HMCN2: variants seen among roughly 807,000 people sequenced by gnomAD.
HMCN2 encodes the protein hemicentin-2.
A neutral mutation model predicts 377.5 loss-of-function variants in HMCN2; 325 were observed. The ratio of observed to expected loss-of-function variants is 0.86; its 90% CI spans 0.79 to 0.94. HMCN2 has a LOEUF of 0.94. Ranked by LOEUF, HMCN2 falls within the 40% of genes least tolerant of loss-of-function variation. The probability of loss-of-function intolerance (pLI) is 0.00; values close to 1 mark genes in which losing one functional copy is unlikely to be tolerated. For synonymous variants in HMCN2, 2,007 were observed against 2,046.8 expected (o/e 0.98, Z 0.53); for missense variants, 4,543 against 4,725.3 (o/e 0.96, Z 1.13).
Position 130,427,483 on chromosome 9 carries a change from C to T in HMCN2, c.13943-14C>T, listed in dbSNP as rs1194630286. ...GCCTGGGAGCGGAGACCACCAGACC[C>T]CTTCCTGCCCCAGACAGGGACGAGT... On this transcript the variant is annotated splice_polypyrimidine_tract_variant and intron_variant, in intron 91 of 97. Transcript: ENST00000683500. The T allele has an allele frequency of 7.7e-6, 12 of 1,550,392 alleles. No individual in the cohort carries two copies. Among genetic ancestry groups the T allele is most frequent in the Admixed American group, 2.0e-5 (1 of 51,000 alleles).
chr9:130,279,264 C>T lies in HMCN2; in HGVS notation c.260-5339C>T, dbSNP rs191233084. ...TCAACTCTTGCCCCAGATCTTCCCC[C>T]CTGACATGGAGGGGCTGTCTTCTCT... On this transcript the variant is annotated intron_variant, in intron 1 of 97. Coordinates refer to ENST00000683500, the MANE Select transcript of HMCN2 (RefSeq NM_001291815.2). Among the ~76,000 whole-genome samples the T allele has an allele frequency of 4.9e-3, 739 of 152,260 alleles. 7 individuals carry two copies. The highest frequency in any genetic ancestry group is 0.017 in the African/African-American group (709 of 41,554).
In HMCN2 at chr9:130,391,219, G is replaced by A. The variant is rs574587046; in HGVS notation, c.9683G>A (p.Arg3228Gln). 62 of 987,900 alleles carry A rather than the reference G, an allele frequency of 6.3e-5. No homozygotes were observed. The South Asian group carries it at 1.0e-3, about 16-fold the overall frequency. The allele number at this position is 987,900 out of a possible 1,614,324, so 61.2% of individuals were successfully genotyped here. ...CCTGCCTCAGTGGCCCCCCGGATCCGGAGCTCGGGCGTGGCGCGGGAGCAC... is the reference window on the plus strand; with the variant it reads ...CCTGCCTCAGTGGCCCCCCGGATCCAGAGCTCGGGCGTGGCGCGGGAGCAC... ...VVAVLVAPRI[R>Q]SSGVAREHHV... is the part of the protein sequence containing the mutation. Residue 3228 changes from arginine to glutamine, a missense_variant, in exon 64 of 98, where the codon CGG (arginine) becomes CAG (glutamine). By Grantham distance (43) the Arg-to-Gln change is conservative. Transcript: ENST00000683500.
In HMCN2 at chr9:130,368,418, C is replaced by A; in HGVS notation, c.6768C>A (p.Asp2256Glu). ...ACGTGGTGGGGAACAGCAGCCAGGA[C>A]CTGCAGCTGGAGGTGCACGGTGGGT... ...CSNVVGNSSQDLQLEVHVPPQ... is the reference protein window; with the variant it reads ...CSNVVGNSSQELQLEVHVPPQ... The change falls in exon 44 of 98, where the codon GAC becomes GAA. Residue 2256 changes from aspartate to glutamate, a missense_variant. By Grantham distance (45) the Asp-to-Glu change is conservative. Around this residue, in one of 5 missense-constraint regions of HMCN2, gnomAD observed 1,032 missense variants for 1,285.1 expected, o/e 0.80. Transcript: ENST00000683500. The A allele has an allele frequency of 6.1e-6, 6 of 986,104 alleles. No individual in the cohort carries two copies. Among genetic ancestry groups the A allele is most frequent in the Non-Finnish European group, 7.2e-6 (6 of 830,258 alleles). 61.1% of individuals were successfully genotyped at this position (986,104 alleles called of 1,614,324 possible). A position where few individuals can be genotyped will look rare whatever the true frequency, so the allele number is the denominator to read the frequency against.
Position 130,366,013 on chromosome 9 carries a change from A to G in HMCN2, c.6625+18A>G. The G allele has an allele frequency of 1.0e-6, 1 of 985,856 alleles. No homozygotes were observed. Among genetic ancestry groups the G allele is most frequent in the Non-Finnish European group, 1.2e-6 (1 of 830,034 alleles). 61.1% of individuals were successfully genotyped at this position (985,856 alleles called of 1,614,324 possible). On this transcript the variant is annotated intron_variant, in intron 43 of 97. Transcript: ENST00000683500. ...GAAGGACGGTAGGATTGCTGCCCTC[A>G]CCCAGCCCCACCTCATTGCCAGGCA...
rs1002569360 is a variant in HMCN2 at position 130,351,008 on chromosome 9, C to A, written c.4431-415C>A. On this transcript the variant is annotated intron_variant, in intron 29 of 97. Transcript: ENST00000683500. The surrounding 1 kb of genome is among the most constrained non-coding windows in gnomAD (Gnocchi z 5.4). ...GACATTCCATCACCCCAAAAGGACA[C>A]CCTGGACCCATCAGCAGCCAGTCGC... Among the ~76,000 whole-genome samples, 1 of 152,192 alleles carries A rather than the reference C, an allele frequency of 6.6e-6. No homozygotes were observed. The highest frequency in any genetic ancestry group is 1.5e-5 in the Non-Finnish European group (1 of 68,036).
chr9:130,368,286 C>G lies in HMCN2; in HGVS notation c.6636C>G (p.Leu2212=), dbSNP rs943812862. 1.2e-5 allele frequency: 12 copies of G among 985,644 alleles called. No individual in the cohort carries two copies. In the African/African-American group the frequency reaches 1.4e-4, roughly 11 times the overall value. 61.1% of individuals were successfully genotyped at this position (985,644 alleles called of 1,614,324 possible). A position where few individuals can be genotyped will look rare whatever the true frequency, so the allele number is the denominator to read the frequency against. The change falls in exon 44 of 98, where the codon CTC becomes CTG. Residue 2212 remains leucine, a synonymous_variant. Transcript: ENST00000683500. Reference sequence around the variant, plus strand: ...TTTTCCTGCACCCAGGTCAACCCCTCCCCGGGGAGGGGGCTGGCCTCCAGC... The same window carrying G: ...TTTTCCTGCACCCAGGTCAACCCCTGCCCGGGGAGGGGGCTGGCCTCCAGC... The part of the protein sequence containing the change: ...KISWRKDGQP[L]PGEGAGLQHV...
intron 11 of HMCN2, 150 bp downstream of exon 11, chr9:130,305,152 G>T: frequency 2.8e-6 from 1 of 361,878 alleles, no homozygotes; most frequent in Non-Finnish European, 5.6e-6. Flanking sequence ...CAGGGAGAGA[G>T]AATACTGTAG....
Position 130,347,354 on chromosome 9 carries a change from G to A in HMCN2, c.4018G>A (p.Val1340Ile), listed in dbSNP as rs1359542675. Residue 1340 changes from valine to isoleucine, a missense_variant, in exon 26 of 98, where the codon GTC becomes ATC. By Grantham distance (29) the Val-to-Ile change is conservative. Around this residue, in one of 5 missense-constraint regions of HMCN2, gnomAD observed 547 missense variants for 189.9 expected, o/e 2.88. Transcript: ENST00000683500. This position sits in a 1 kb window ranked among gnomAD's most constrained non-coding sequence, Gnocchi z 5.1. ...CACGTCCAGGAGAGCCAAGCTGGTGGTCTATGGTGAGCAGGGACCCAGAGC... is the reference window on the plus strand; with the variant it reads ...CACGTCCAGGAGAGCCAAGCTGGTGATCTATGGTGAGCAGGGACCCAGAGC... The part of the protein sequence containing the change: ...GSTSRRAKLV[V>I]YVPPSIREDG... The A allele has an allele frequency of 6.6e-6, 1 of 152,420 alleles. No homozygotes were observed. The highest frequency in any genetic ancestry group is 2.4e-5 in the African/African-American group (1 of 41,444). 9.4% of individuals were successfully genotyped at this position (152,420 alleles called of 1,614,324 possible). A position where few individuals can be genotyped will look rare whatever the true frequency, so the allele number is the denominator to read the frequency against.
chr9:130,341,963 C>G (rs1215926642), intron 24 of HMCN2, among the ~76,000 whole-genome samples: 1 of 151,348 alleles, frequency 6.6e-6, no homozygotes, highest in East Asian at 1.9e-4. Flanking sequence ...ATCGCTTGAG[C>G]CCAGGAGTTC....
At chr9:130,426,568 G>A (rs888613166) in intron 90 of HMCN2, among the ~76,000 whole-genome samples, 6 of 152,120 alleles carry the variant, frequency 3.9e-5, no homozygotes, top group East Asian at 3.9e-4. Flanking sequence ...GGGTGTCGCC[G>A]TACAGATGTT....
intron 23 of HMCN2, among the ~76,000 whole-genome samples, chr9:130,340,819 C>T (rs1003097243): frequency 0.14 from 20,622 of 152,204 alleles, 1,881 homozygotes; most frequent in East Asian, 0.41. Flanking sequence ...CTCCCAGCCC[C>T]GAGTGGCGCT....
At chr9:130,384,227 G>A (rs1482795527) in intron 57 of HMCN2, 146 bp from the exon 58 acceptor site, 1 of 576,658 alleles carries the variant, frequency 1.7e-6, no homozygotes, top group African/African-American at 2.0e-5. Flanking sequence ...AGAGAGTCAT[G>A]GCAAATGGAG....
rs797032548 is a variant in HMCN2, at chr9:130,284,478, C to T, written c.260-125C>T. 8 of 420,756 alleles carry T rather than the reference C, an allele frequency of 1.9e-5. No individual in the cohort carries two copies. In the Admixed American group the frequency reaches 2.0e-4, roughly 11 times the overall value. The allele number at this position is 420,756 out of a possible 1,614,324, so 26.1% of individuals were successfully genotyped here. On this transcript the variant is annotated intron_variant, in intron 1 of 97. Coordinates refer to ENST00000683500, the MANE Select transcript of HMCN2 (RefSeq NM_001291815.2). ...CTCCGGGAGCTGCTCCCTGATCTCT[C>T]CCCGTCTTGTGTGCCAGCCTCAGCT...
rs1162889214 is a variant in HMCN2 at position 130,404,855 on chromosome 9, C to T, written c.12149-14C>T. 8 of 1,227,398 alleles carry T rather than the reference C, an allele frequency of 6.5e-6. No homozygotes were observed. The highest frequency in any genetic ancestry group is 5.2e-6 in the Non-Finnish European group (5 of 954,300). 76.0% of individuals were successfully genotyped at this position (1,227,398 alleles called of 1,614,324 possible). The stretch of plus-strand genomic sequence containing the variant: ...CTGAGCCCCGGTTCCGAGTGGGCCT[C>T]CCTCTGCCCGCAGTCCCACCAGTGA... On this transcript the variant is annotated splice_polypyrimidine_tract_variant and intron_variant, in intron 80 of 97. Coordinates refer to ENST00000683500, the MANE Select transcript of HMCN2 (RefSeq NM_001291815.2).
intron 82 of HMCN2, chr9:130,407,298 C>T (rs1157645029): frequency 1.1e-5 from 2 of 188,744 alleles, no homozygotes; most frequent in African/African-American, 4.8e-5. Context: ...GGCAGTGTTT[C>T]AGTAAGTGTC....
In HMCN2 at chr9:130,379,415, G is replaced by A. The variant is rs918441055; in HGVS notation, c.8379G>A (p.Trp2793Ter). The A allele has an allele frequency of 1.3e-4, 127 of 985,788 alleles. No individual in the cohort carries two copies. The highest frequency in any genetic ancestry group is 1.0e-3 in the Middle Eastern group (2 of 1,938). 61.1% of individuals were successfully genotyped at this position (985,788 alleles called of 1,614,324 possible). ...TNAIPPPDLT[W>*]YREDQPLSAG... ...CGATCCCACCCCCGGACCTCACCTG[G>A]TACAGAGAGGATCAGCCCCTCTCGG... The change falls in exon 54 of 98, where the codon TGG becomes TGA. Residue 2793 changes from tryptophan (W) to a stop codon, truncating the protein, a stop_gained. Transcript: ENST00000683500. LOFTEE classifies it high-confidence loss of function.
In HMCN2 at chr9:130,428,300, T is replaced by C. The variant is rs758196972; in HGVS notation, c.14066-58T>C. The C allele has an allele frequency of 6.1e-5, 90 of 1,469,524 alleles. No individual in the cohort carries two copies. Among genetic ancestry groups the C allele is most frequent in the Non-Finnish European group, 7.9e-5 (87 of 1,104,394 alleles). 91.0% of individuals were successfully genotyped at this position (1,469,524 alleles called of 1,614,324 possible). On this transcript the variant is annotated intron_variant, in intron 92 of 97. Transcript: ENST00000683500. The surrounding 1 kb of genome is among the most constrained non-coding windows in gnomAD (Gnocchi z 5.0). ...GTGGATAGGCCGGGCCAGGGTCAGG[T>C]GGCGAGGCACGCCTGGGGATCATGT...
At chr9:130,398,040 C>A (rs766906987) in intron 74 of HMCN2, among the ~76,000 whole-genome samples, 1 of 148,216 alleles carries the variant, frequency 6.7e-6, no homozygotes, top group Non-Finnish European at 1.5e-5. Flanking sequence ...GTAGTCCCAG[C>A]TACTTGGGAG....
intron 80 of HMCN2, 34 bp from the exon 81 acceptor site, chr9:130,404,834 GC>G: frequency 1.7e-6 from 2 of 1,196,634 alleles, no homozygotes; most frequent in Non-Finnish European, 2.1e-6. Context: ...GCCTCCCTGA[GC>G]CCCGGTTCCG....
Sources: gnomAD v4.1 joint callset for allele counts (sites outside exome capture counted in the v4.1 genomes callset) on GRCh38, gnomAD v4.1.1 for gene constraint, gnomAD v4.1.1 regional missense constraint, Gnocchi (gnomAD v3.1) non-coding constraint, MANE v1.5 for transcripts, NCBI Gene and HGNC (gene_info 2026-07-23, HGNC 2026-07-21) for gene names.